TBC1D5: variants seen among roughly 807,000 people sequenced by gnomAD.
The protein encoded by TBC1D5 is TBC1 domain family member 5, also known as TBC1 domain family, member 5.
In TBC1D5, 75 loss-of-function variants were observed where a neutral mutation model predicts 100.3. The observed-to-expected ratio is 0.75, with a 90% CI of 0.62 to 0.91. The LOEUF is 0.91. Ranked by LOEUF, TBC1D5 falls within the 40% of genes least tolerant of loss-of-function variation. TBC1D5 has a pLI of 0.00. For synonymous variants in TBC1D5, 323 were observed against 325.6 expected (o/e 0.99, Z 0.09); for missense variants, 910 against 942.4 (o/e 0.97, Z 0.45).
intron 1 of TBC1D5, among the ~76,000 whole-genome samples, chr3:17,700,900 A>G (rs1280305697): frequency 3.9e-5 from 6 of 152,160 alleles, no homozygotes; most frequent in Non-Finnish European, 8.8e-5. Context: ...AACCAGTTCA[A>G]CCATTGTGGA....
intron 1 of TBC1D5, among the ~76,000 whole-genome samples, chr3:17,659,969 T>C (rs936672005): frequency 6.6e-6 from 1 of 152,144 alleles, no homozygotes; most frequent in African/African-American, 2.4e-5. Flanking sequence ...AGAATTATAC[T>C]GCCTTCCTTT....
intron 2 of TBC1D5, among the ~76,000 whole-genome samples, chr3:17,620,295 C>T (rs1278084768): frequency 6.6e-6 from 1 of 152,170 alleles, no homozygotes; most frequent in Non-Finnish European, 1.5e-5. Context: ...TTTGCCCCTT[C>T]AACCAGCAAT....
chr3:17,612,199 C>A (rs1365055477), intron 2 of TBC1D5, among the ~76,000 whole-genome samples: 2 of 150,140 alleles, frequency 1.3e-5, no homozygotes, highest in East Asian at 3.9e-4. Context: ...ACTTGGAAGG[C>A]TGAGGTGGGA....
intron 1 of TBC1D5, among the ~76,000 whole-genome samples, chr3:17,627,962 A>G (rs763619880): frequency 1.3e-5 from 2 of 152,130 alleles, no homozygotes; most frequent in Non-Finnish European, 2.9e-5. Flanking sequence ...CTACTCTCTC[A>G]GGTTTAGGTC....
At position 17,503,654 on chromosome 3, in the gene TBC1D5, A is replaced by G. The variant is rs899184083; in HGVS notation, c.97+4820T>C. 6.0e-5 allele frequency among the ~76,000 whole-genome samples: 9 copies of G among 149,938 alleles called. 2 individuals are homozygous for G. The highest frequency in any genetic ancestry group is 2.3e-4 in the African/African-American group (9 of 39,638). The stretch of plus-strand genomic sequence containing the variant: ...AATATTTGCTATATACCACGTTAGT[A>G]AGTTTAAGAAACCAGGTATCAAGAA... On this transcript the variant is annotated intron_variant, in intron 3 of 21. Coordinates refer to ENST00000253692, the Ensembl canonical transcript of TBC1D5.
intron 1 of TBC1D5, among the ~76,000 whole-genome samples, chr3:17,736,388 G>A (rs1046502963): frequency 1.3e-5 from 2 of 152,200 alleles, no homozygotes; most frequent in Non-Finnish European, 2.9e-5. Context: ...GAAGGTGGGT[G>A]AGGAGGCAAT....
At chr3:17,683,581 A>C (rs1216392410) in intron 1 of TBC1D5, among the ~76,000 whole-genome samples, 1 of 152,208 alleles carries the variant, frequency 6.6e-6, no homozygotes, top group Non-Finnish European at 1.5e-5. Context: ...TACTCTCTAA[A>C]AAAAGTAAAA....
At chr3:17,710,275 T>C (rs376493165) in intron 1 of TBC1D5, among the ~76,000 whole-genome samples, 1 of 152,182 alleles carries the variant, frequency 6.6e-6, no homozygotes, top group East Asian at 1.9e-4. Flanking sequence ...AATATATTGA[T>C]AAAAATAGGT....
At chr3:17,530,047 C>G (rs139151924) in intron 2 of TBC1D5, among the ~76,000 whole-genome samples, 30 of 152,088 alleles carry the variant, frequency 2.0e-4, no homozygotes, top group Admixed American at 1.3e-3. Flanking sequence ...AGTTCAAGAC[C>G]AGTCTGGCGA....
At chr3:17,310,781 T>A (rs995991546) in intron 13 of TBC1D5, among the ~76,000 whole-genome samples, 1 of 152,062 alleles carries the variant, frequency 6.6e-6, no homozygotes, top group Non-Finnish European at 1.5e-5. Context: ...AAGTTGTACA[T>A]GAGAGGATAT....
chr3:17,252,239 A>T (rs936774681), intron 16 of TBC1D5, among the ~76,000 whole-genome samples: 1 of 152,190 alleles, frequency 6.6e-6, no homozygotes, highest in African/African-American at 2.4e-5. Context: ...AAGCAATTTT[A>T]CACAACCAAA....
intron 1 of TBC1D5, among the ~76,000 whole-genome samples, chr3:17,629,334 T>G (rs1223172373): frequency 6.6e-6 from 1 of 152,138 alleles, no homozygotes; most frequent in African/African-American, 2.4e-5. Context: ...AATAAAAAAT[T>G]TCAAAAAAGT....
At chr3:17,499,314 A>G (rs1328860358) in intron 3 of TBC1D5, among the ~76,000 whole-genome samples, 1 of 152,240 alleles carries the variant, frequency 6.6e-6, no homozygotes, top group Non-Finnish European at 1.5e-5. Context: ...GTTTTAATGC[A>G]TAAATCAATA....
chr3:17,436,935 T>C (rs1369438874), intron 3 of TBC1D5, among the ~76,000 whole-genome samples: 1 of 152,192 alleles, frequency 6.6e-6, no homozygotes, highest in African/African-American at 2.4e-5. Flanking sequence ...TAAGTTAACA[T>C]GTGCTATGGT....
intron 4 of TBC1D5, among the ~76,000 whole-genome samples, chr3:17,427,759 C>G (rs1055891776): frequency 2.6e-5 from 4 of 151,732 alleles, no homozygotes; most frequent in African/African-American, 9.7e-5. Flanking sequence ...TTTCTTACAC[C>G]ACTTTGGTTC....
At chr3:17,626,091 A>G (rs567833232) in intron 1 of TBC1D5, among the ~76,000 whole-genome samples, 2 of 152,316 alleles carry the variant, frequency 1.3e-5, no homozygotes, top group Admixed American at 1.3e-4. Context: ...GACCATTTGA[A>G]GACCTACACT....
intron 2 of TBC1D5, among the ~76,000 whole-genome samples, chr3:17,607,472 T>C (rs980147176): frequency 2.2e-4 from 33 of 151,952 alleles, no homozygotes; most frequent in African/African-American, 7.3e-4. Context: ...TAACTATAAA[T>C]GTTATTTTCT....
chr3:17,248,569 G>A (rs1250711169), intron 16 of TBC1D5, among the ~76,000 whole-genome samples: 1 of 152,108 alleles, frequency 6.6e-6, no homozygotes, highest in Admixed American at 6.5e-5. Flanking sequence ...CTTGACCTAT[G>A]AGCTGCAGAA....
chr3:17,596,885 A>G (rs1456200780), intron 2 of TBC1D5, among the ~76,000 whole-genome samples: 4 of 152,114 alleles, frequency 2.6e-5, no homozygotes, highest in Admixed American at 6.5e-5. Context: ...CATGAACTAC[A>G]ACTGTCACTA....
Sources: gnomAD v4.1 joint callset for allele counts (sites outside exome capture counted in the v4.1 genomes callset) on GRCh38, gnomAD v4.1.1 for gene constraint, MANE v1.5 for transcripts, NCBI Gene and HGNC (gene_info 2026-07-23, HGNC 2026-07-21) for gene names.